Variants in PATJ observed in about 807,000 individuals in gnomAD.
PATJ encodes PATJ crumbs cell polarity complex component.
In PATJ, 190 loss-of-function variants were observed where a neutral mutation model predicts 224.9. The ratio of observed to expected loss-of-function variants is 0.84; its 90% CI spans 0.75 to 0.95. The LOEUF is 0.95. PATJ is among the 40% of genes least tolerant of loss of function. The probability of loss-of-function intolerance (pLI) is 0.00; values close to 1 mark genes in which losing one functional copy is unlikely to be tolerated. For synonymous variants in PATJ, 769 were observed against 820.3 expected (o/e 0.94, Z 1.07); for missense variants, 2,121 against 2,270.3 (o/e 0.93, Z 1.34).
At chr1:61,774,821 A>G (rs1646826003) in intron 6 of PATJ, among the ~76,000 whole-genome samples, 1 of 152,068 alleles carries the variant, frequency 6.6e-6, no homozygotes, top group Non-Finnish European at 1.5e-5. Context: ...AAAAATCTTT[A>G]TAATATTTTG....
intron 41 of PATJ, among the ~76,000 whole-genome samples, chr1:62,147,473 A>T (rs1187146129): frequency 6.6e-6 from 1 of 152,184 alleles, no homozygotes; most frequent in African/African-American, 2.4e-5. Flanking sequence ...CAGCCTGAGC[A>T]ACATGGCAAA....
chr1:61,795,065 A>G (rs1245875254), intron 9 of PATJ, among the ~76,000 whole-genome samples: 1 of 148,444 alleles, frequency 6.7e-6, no homozygotes, highest in Non-Finnish European at 1.5e-5. Flanking sequence ...AAATATAGGC[A>G]GGAAGACCTA....
chr1:61,995,455 G>T (rs1645296262), intron 28 of PATJ, among the ~76,000 whole-genome samples: 2 of 152,172 alleles, frequency 1.3e-5, no homozygotes, highest in Admixed American at 1.3e-4. Context: ...CAAAAAGAGA[G>T]GTTGAGCATA....
chr1:61,868,731 G>A (rs1017247021), intron 20 of PATJ, among the ~76,000 whole-genome samples: 7 of 152,108 alleles, frequency 4.6e-5, no homozygotes, highest in African/African-American at 1.7e-4. Context: ...AGAGGTTGCA[G>A]TGAACTGAGA....
chr1:61,810,115 G>A (rs1387375697), intron 14 of PATJ, among the ~76,000 whole-genome samples: 1 of 152,012 alleles, frequency 6.6e-6, no homozygotes, highest in Non-Finnish European at 1.5e-5. Context: ...CTCCCAGAGT[G>A]CTGGGATTAC....
At chr1:61,962,476 A>G (rs191494002) in intron 27 of PATJ, among the ~76,000 whole-genome samples, 2 of 152,318 alleles carry the variant, frequency 1.3e-5, no homozygotes, top group Admixed American at 6.5e-5. Context: ...AAGCAGTTTT[A>G]TAGTTGAAAA....
chr1:62,144,356 G>A (rs1667800366), intron 41 of PATJ, among the ~76,000 whole-genome samples: 1 of 152,144 alleles, frequency 6.6e-6, no homozygotes, highest in Admixed American at 6.5e-5. Flanking sequence ...TCTGGGGCAG[G>A]CCTATTTTCT....
chr1:61,890,780 G>A (rs1330816552), intron 22 of PATJ, among the ~76,000 whole-genome samples: 1 of 152,130 alleles, frequency 6.6e-6, no homozygotes, highest in Non-Finnish European at 1.5e-5. Context: ...ACAAGTGTGA[G>A]CCATAGCACC....
chr1:61,825,286 G>A (rs960614765), intron 15 of PATJ, among the ~76,000 whole-genome samples: 2 of 152,186 alleles, frequency 1.3e-5, no homozygotes, highest in Admixed American at 1.3e-4. Flanking sequence ...CTTGTGCAAT[G>A]TTCTGTACTC....
At chr1:61,770,062 G>A (rs897447316) in intron 5 of PATJ, among the ~76,000 whole-genome samples, 3 of 152,066 alleles carry the variant, frequency 2.0e-5, no homozygotes, top group African/African-American at 7.2e-5. Flanking sequence ...TCCAATGCAC[G>A]TGTTAGAATA....
intron 21 of PATJ, 155 bp downstream of exon 21, chr1:61,875,521 G>A: frequency 1.8e-6 from 1 of 556,428 alleles, no homozygotes; most frequent in East Asian, 3.7e-5. Context: ...AGAATTACCT[G>A]AAAGAATAAA....
intron 31 of PATJ, among the ~76,000 whole-genome samples, chr1:62,054,729 C>A (rs748571260): frequency 1.3e-5 from 2 of 152,116 alleles, no homozygotes; most frequent in African/African-American, 2.4e-5. Context: ...AAAACAGTTT[C>A]ATCTATAATC....
At chr1:62,137,950 C>T (rs1436411604) in intron 41 of PATJ, among the ~76,000 whole-genome samples, 1 of 152,054 alleles carries the variant, frequency 6.6e-6, no homozygotes, top group African/African-American at 2.4e-5. Flanking sequence ...GGTTCACAGT[C>T]TCCTCTTCCT....
intron 41 of PATJ, among the ~76,000 whole-genome samples, chr1:62,146,868 G>A (rs1226863418): frequency 1.3e-5 from 2 of 152,070 alleles, no homozygotes; most frequent in Non-Finnish European, 2.9e-5. Context: ...ACAGAGATGA[G>A]CCAAGGATGA....
intron 16 of PATJ, among the ~76,000 whole-genome samples, chr1:61,829,645 A>G (rs747132473): frequency 2.0e-5 from 3 of 152,202 alleles, no homozygotes; most frequent in Non-Finnish European, 2.9e-5. Context: ...ATAATATCTT[A>G]TGTACCTTGA....
intron 14 of PATJ, among the ~76,000 whole-genome samples, chr1:61,820,501 CTCAG>C (rs1236650358): frequency 2.0e-5 from 3 of 152,118 alleles, no homozygotes; most frequent in African/African-American, 7.2e-5. Flanking sequence ...TGCCACCACA[CTCAG>C]CTAATTTTGT....
chr1:61,810,252 C>T (rs1490944455), intron 14 of PATJ, among the ~76,000 whole-genome samples: 1 of 152,102 alleles, frequency 6.6e-6, no homozygotes, highest in African/African-American at 2.4e-5. Flanking sequence ...GCCAACTGAC[C>T]AAGCTTTCCT....
intron 31 of PATJ, among the ~76,000 whole-genome samples, chr1:62,061,550 T>C (rs1382589257): frequency 2.0e-5 from 3 of 152,130 alleles, no homozygotes; most frequent in Non-Finnish European, 2.9e-5. Flanking sequence ...GAACATGCAG[T>C]ATTTAGTTTT....
At chr1:61,814,519 A>AGTGTGTGTGTGTGTGT (rs67159092) in intron 14 of PATJ, among the ~76,000 whole-genome samples, 326 of 144,022 alleles carry the variant, frequency 2.3e-3, no homozygotes, top group East Asian at 0.01. Context: ...CCTTTTGTTT[A>AGTGTGTGTGTGTGTGT]GTGTGTGTGT....
Sources: allele counts gnomAD v4.1 joint callset (sites outside exome capture counted in the v4.1 genomes callset), GRCh38; gene constraint gnomAD v4.1.1; transcripts MANE v1.5; gene names NCBI Gene and HGNC (gene_info 2026-07-23, HGNC 2026-07-21).